The following CCSER1 variants were observed in gnomAD, a reference collection of about 807,000 sequenced individuals.
The protein encoded by CCSER1 is serine-rich coiled-coil domain-containing protein 1.
CCSER1 carries 41 observed loss-of-function variants against 82.0 expected under a neutral mutation model. The ratio of observed to expected loss-of-function variants is 0.50; its 90% CI spans 0.39 to 0.65. CCSER1 has a LOEUF of 0.65. CCSER1 is among the 30% of genes least tolerant of loss of function. The pLI, the probability that CCSER1 is intolerant of heterozygous loss-of-function variation, is 0.00. For synonymous variants in CCSER1, 414 were observed against 383.9 expected (o/e 1.08, Z -0.92); for missense variants, 1,119 against 1,064.2 (o/e 1.05, Z -0.72).
chr4:90,326,476 C>CATATAT (rs146556438), intron 3 of CCSER1, among the ~76,000 whole-genome samples: 104 of 150,210 alleles, frequency 6.9e-4, no homozygotes, highest in Admixed American at 1.4e-3. Context: ...TCTGAAATTC[C>CATATAT]ATATATATAT....
chr4:90,172,867 G>T (rs1294177103), intron 1 of CCSER1, among the ~76,000 whole-genome samples: 1 of 151,850 alleles, frequency 6.6e-6, no homozygotes, highest in Non-Finnish European at 1.5e-5. Flanking sequence ...TGGTTGGTGT[G>T]CAGTAGGACT....
At chr4:90,890,598 G>C (rs1375288670) in intron 8 of CCSER1, among the ~76,000 whole-genome samples, 3 of 152,138 alleles carry the variant, frequency 2.0e-5, no homozygotes, top group African/African-American at 7.2e-5. Context: ...CCTGGACTGG[G>C]ACAATTCTGA....
chr4:90,429,971 A>G (rs1758054505), intron 4 of CCSER1, among the ~76,000 whole-genome samples: 1 of 151,868 alleles, frequency 6.6e-6, no homozygotes, highest in African/African-American at 2.4e-5. Context: ...AAAGATCTTT[A>G]CTAAGTCTCA....
chr4:91,509,815 A>G (rs1220301670), intron 10 of CCSER1, among the ~76,000 whole-genome samples: 2 of 152,162 alleles, frequency 1.3e-5, no homozygotes, highest in African/African-American at 4.8e-5. Flanking sequence ...GATGATAGAT[A>G]TAGATACAGA....
chr4:90,949,910 A>G (rs1732707388), intron 9 of CCSER1, among the ~76,000 whole-genome samples: 1 of 152,134 alleles, frequency 6.6e-6, no homozygotes, highest in Non-Finnish European at 1.5e-5. Context: ...TAGAGGCCTA[A>G]AAAGGATAAA....
At chr4:90,276,231 TTTC>T (rs1727594679) in intron 1 of CCSER1, among the ~76,000 whole-genome samples, 1 of 105,850 alleles carries the variant, frequency 9.4e-6, no homozygotes, top group Non-Finnish European at 1.9e-5. Flanking sequence ...TCTTTCTTTC[TTTC>T]TTTCTTTCTT....
chr4:90,896,365 A>T (rs1024606120), intron 8 of CCSER1, among the ~76,000 whole-genome samples: 3 of 151,982 alleles, frequency 2.0e-5, no homozygotes, highest in Non-Finnish European at 4.4e-5. Flanking sequence ...GAGTGTAAGG[A>T]GAGAGGTGAT....
intron 3 of CCSER1, among the ~76,000 whole-genome samples, chr4:90,322,423 GTTTTATTCT>G (rs1737332431): frequency 6.6e-6 from 1 of 152,050 alleles, no homozygotes. Context: ...GATTCCTCCA[GTTTTATTCT>G]TTTTGTTCAT....
At chr4:90,835,529 C>T (rs1195592501) in intron 8 of CCSER1, among the ~76,000 whole-genome samples, 1 of 152,130 alleles carries the variant, frequency 6.6e-6, no homozygotes, top group Non-Finnish European at 1.5e-5. Context: ...AGGCTCTAAT[C>T]TCAGTTCAGC....
intron 9 of CCSER1, among the ~76,000 whole-genome samples, chr4:91,031,611 G>C (rs945017579): frequency 1.3e-5 from 2 of 151,954 alleles, no homozygotes; most frequent in Non-Finnish European, 2.9e-5. Context: ...TCTGTGGGGC[G>C]CTTAAAAATG....
intron 4 of CCSER1, among the ~76,000 whole-genome samples, chr4:90,414,639 A>G (rs1004628969): frequency 2.6e-5 from 4 of 152,112 alleles, no homozygotes; most frequent in Admixed American, 1.3e-4. Flanking sequence ...TTTTGTCACA[A>G]ATTGAGTCAT....
chr4:91,268,500 A>T (rs1457938788), intron 10 of CCSER1, among the ~76,000 whole-genome samples: 5 of 152,198 alleles, frequency 3.3e-5, no homozygotes, highest in Admixed American at 3.3e-4. Flanking sequence ...TTATGGTCTC[A>T]GTTTTCACTG....
intron 10 of CCSER1, among the ~76,000 whole-genome samples, chr4:91,147,488 GC>G (rs1729659102): frequency 6.6e-6 from 1 of 152,168 alleles, no homozygotes; most frequent in Non-Finnish European, 1.5e-5. Flanking sequence ...GAGATTCCCC[GC>G]TCCCATGCCA....
intron 1 of CCSER1, among the ~76,000 whole-genome samples, chr4:90,174,757 G>A (rs1232827883): frequency 6.6e-6 from 1 of 151,984 alleles, no homozygotes; most frequent in Non-Finnish European, 1.5e-5. Context: ...TCTAAAATGA[G>A]TAGAGGTGAC....
chr4:90,572,123 G>A (rs939154566), intron 5 of CCSER1, among the ~76,000 whole-genome samples: 2 of 152,072 alleles, frequency 1.3e-5, no homozygotes, highest in Non-Finnish European at 2.9e-5. Context: ...GACTTGCTTA[G>A]TACAGCATTC....
At chr4:90,653,520 A>T (rs978016999) in intron 6 of CCSER1, among the ~76,000 whole-genome samples, 2 of 152,144 alleles carry the variant, frequency 1.3e-5, no homozygotes, top group Non-Finnish European at 2.9e-5. Context: ...ACCATGATAG[A>T]GTCAGTATTT....
chr4:90,833,064 G>A (rs761702090), intron 8 of CCSER1, among the ~76,000 whole-genome samples: 1 of 152,112 alleles, frequency 6.6e-6, no homozygotes, highest in Non-Finnish European at 1.5e-5. Context: ...CGGCCATAAC[G>A]AAAGACTTGA....
intron 5 of CCSER1, among the ~76,000 whole-genome samples, chr4:90,625,439 G>T (rs1287145513): frequency 6.6e-6 from 1 of 152,188 alleles, no homozygotes; most frequent in Non-Finnish European, 1.5e-5. Flanking sequence ...GCCGGCCTTT[G>T]CAGCTGAGTG....
chr4:91,106,949 A>G (rs1270001569), intron 10 of CCSER1, among the ~76,000 whole-genome samples: 1 of 152,226 alleles, frequency 6.6e-6, no homozygotes, highest in Non-Finnish European at 1.5e-5. Flanking sequence ...GCCCAAGGAT[A>G]GACTGCATAG....
Sources: allele counts gnomAD v4.1 joint callset (sites outside exome capture counted in the v4.1 genomes callset), GRCh38; gene constraint gnomAD v4.1.1; transcripts MANE v1.5; gene names NCBI Gene and HGNC (gene_info 2026-07-23, HGNC 2026-07-21).